The following MAST4 variants were observed in gnomAD, a reference collection of about 807,000 sequenced individuals.
MAST4 encodes microtubule-associated serine/threonine-protein kinase 4.
In MAST4, 89 loss-of-function variants were observed where a neutral mutation model predicts 162.7. The observed-to-expected ratio is 0.55, with a 90% CI of 0.46 to 0.65. The LOEUF (loss-of-function observed/expected upper bound fraction) is 0.65, where lower values mean the gene tolerates loss of function less well. MAST4 is among the 30% of genes least tolerant of loss of function. The pLI is 0.00. For synonymous variants in MAST4, 1,479 were observed against 1,361.1 expected, an observed-to-expected ratio of 1.09 and a Z score of -1.91; for missense variants, 3,153 against 3,374.0, an observed-to-expected ratio of 0.93 and a Z score of 1.62.
chr5:67,149,442 G>T lies in MAST4; in HGVS notation c.3148G>T (p.Asp1050Tyr), dbSNP rs767582015. ...DQINGRSECV[D>Y]STDNSSKPSS... The stretch of plus-strand genomic sequence containing the variant: ...GATAAATGGACGAAGCGAGTGTGTG[G>T]ACAGTACAGATAATTCCTCAAAGCC... Residue 1050 changes from aspartate (D) to tyrosine (Y), a missense_variant, in exon 24 of 29, where the codon GAC (aspartate) becomes TAC (tyrosine). Asp to Tyr is a radical substitution (Grantham distance 160, BLOSUM62 -3). Around this residue, in one of 7 missense-constraint regions of MAST4, gnomAD observed 619 missense variants for 744.2 expected, o/e 0.83. Coordinates refer to ENST00000403625, the MANE Select transcript of MAST4 (RefSeq NM_001164664.2). 3.1e-6 allele frequency: 5 copies of T among 1,613,666 alleles called. No individual in the cohort carries two copies. In the South Asian group the frequency reaches 5.5e-5, roughly 18 times the overall value.
chr5:67,149,044 G>T (rs984047207), intron 23 of MAST4, among the ~76,000 whole-genome samples: 1 of 152,140 alleles, frequency 6.6e-6, no homozygotes, highest in Non-Finnish European at 1.5e-5. Context: ...CATGGTATGG[G>T]GGGGGTAGGG....
At chr5:66,911,903 T>C (rs1272400371) in intron 4 of MAST4, among the ~76,000 whole-genome samples, 1 of 152,168 alleles carries the variant, frequency 6.6e-6, no homozygotes, top group Non-Finnish European at 1.5e-5. Context: ...TTTTTAACTT[T>C]TGGTGTGTCA....
intron 4 of MAST4, among the ~76,000 whole-genome samples, chr5:67,005,795 A>G (rs567704925): frequency 6.6e-6 from 1 of 152,352 alleles, no homozygotes. Context: ...TTCTCACCAC[A>G]TTTGTGTCCA....
chr5:66,642,169 TC>T (rs1482086200), intron 1 of MAST4, among the ~76,000 whole-genome samples: 5 of 152,128 alleles, frequency 3.3e-5, no homozygotes, highest in African/African-American at 1.2e-4. Context: ...TGAATCTAAT[TC>T]TGTTCAAGTC....
chr5:66,893,304 C>G (rs1215165998), intron 3 of MAST4, among the ~76,000 whole-genome samples: 1 of 152,094 alleles, frequency 6.6e-6, no homozygotes, highest in Non-Finnish European at 1.5e-5. Flanking sequence ...CTTCTGGGTT[C>G]AAGCGATTCT....
intron 3 of MAST4, among the ~76,000 whole-genome samples, chr5:66,810,811 T>A (rs1756438771): frequency 6.6e-6 from 1 of 152,214 alleles, no homozygotes; most frequent in Non-Finnish European, 1.5e-5. Flanking sequence ...ATTGGCCATA[T>A]GTAGAGATTT....
At chr5:66,995,545 G>A (rs913809276) in intron 4 of MAST4, among the ~76,000 whole-genome samples, 4 of 152,106 alleles carry the variant, frequency 2.6e-5, no homozygotes, top group Admixed American at 1.3e-4. Flanking sequence ...TGGGACTATC[G>A]GCACCCGCCA....
At chr5:66,662,768 A>G (rs1367026872) in intron 1 of MAST4, 3 of 152,220 alleles carry the variant, frequency 2.0e-5, no homozygotes, top group Non-Finnish European at 4.4e-5. Flanking sequence ...TTTTGAAAAA[A>G]TTGGGTAATC....
chr5:67,156,240 CAGA>C (rs1221709848), intron 26 of MAST4, among the ~76,000 whole-genome samples: 2 of 151,998 alleles, frequency 1.3e-5, no homozygotes, highest in East Asian at 3.8e-4. Flanking sequence ...AAAACAAAAG[CAGA>C]AGAAGATAAC....
intron 3 of MAST4, among the ~76,000 whole-genome samples, chr5:66,884,388 A>C (rs1761903952): frequency 6.6e-6 from 1 of 152,236 alleles, no homozygotes. Flanking sequence ...CACAAAGTGC[A>C]CAACACTCTT....
intron 26 of MAST4, among the ~76,000 whole-genome samples, chr5:67,159,949 G>A (rs1772999095): frequency 6.6e-6 from 1 of 152,084 alleles, no homozygotes; most frequent in Admixed American, 6.5e-5. Context: ...ACAATTTTTA[G>A]GCCAAAGGAA....
chr5:66,819,037 G>A (rs924645404), intron 3 of MAST4, among the ~76,000 whole-genome samples: 1 of 152,166 alleles, frequency 6.6e-6, no homozygotes, highest in Non-Finnish European at 1.5e-5. Flanking sequence ...TAGAGAAGGG[G>A]AACACACATT....
chr5:67,079,056 G>A (rs1219211393), intron 5 of MAST4, among the ~76,000 whole-genome samples: 1 of 148,096 alleles, frequency 6.8e-6, no homozygotes, highest in Admixed American at 6.9e-5. Flanking sequence ...AAATATCAGT[G>A]CAGTGTCTTT....
In MAST4 at chr5:66,714,330, T is replaced by C. The variant is rs548809535; in HGVS notation, c.364-45379T>C. Among the ~76,000 whole-genome samples, 26 of 152,356 alleles carry C rather than the reference T, an allele frequency of 1.7e-4. 1 individual carries two copies. The East Asian group carries it at 5.0e-3, about 29-fold the overall frequency. On this transcript the variant is annotated intron_variant, in intron 1 of 28. Transcript: ENST00000403625. The stretch of plus-strand genomic sequence containing the variant: ...AGCCACCAGTCTCTGTGCCTGTGCC[T>C]GTATCATCGAAACTGTCCATTAGGT...
rs143837330 is a variant in MAST4, at chr5:66,855,505, T to C, written c.643-44446T>C. Reference sequence around the variant, plus strand: ...AGGTGGTGTTTGCTCGCTTCATTTGTGTTCTCTTGAGAACAGAGCTGGAGA... The same window carrying C: ...AGGTGGTGTTTGCTCGCTTCATTTGCGTTCTCTTGAGAACAGAGCTGGAGA... On this transcript the variant is annotated intron_variant, in intron 3 of 28. Transcript: ENST00000403625. 7.0e-3 allele frequency among the ~76,000 whole-genome samples: 1,063 copies of C among 152,308 alleles called. 11 individuals carry two copies. Among genetic ancestry groups the C allele is most frequent in the African/African-American group, 0.025 (1,020 of 41,556 alleles).
At chr5:66,770,438 C>T (rs950926807) in intron 2 of MAST4, among the ~76,000 whole-genome samples, 2 of 152,194 alleles carry the variant, frequency 1.3e-5, no homozygotes, top group African/African-American at 2.4e-5. Context: ...TGCCGGAGCT[C>T]ATCTCCCATG....
At chr5:67,077,112 C>G (rs932142546) in intron 5 of MAST4, among the ~76,000 whole-genome samples, 3 of 152,286 alleles carry the variant, frequency 2.0e-5, no homozygotes, top group Non-Finnish European at 4.4e-5. Flanking sequence ...CTGGCCTGGT[C>G]TGGCCTATAT....
intron 19 of MAST4, 60 bp downstream of exon 19, chr5:67,136,724 C>T (rs1581686714): frequency 2.3e-6 from 3 of 1,324,852 alleles, no homozygotes; most frequent in African/African-American, 1.5e-5. Context: ...ACATGGAGCA[C>T]TCTGAAGCTT....
intron 3 of MAST4, among the ~76,000 whole-genome samples, chr5:66,859,707 G>A (rs1014487674): frequency 3.9e-5 from 6 of 152,244 alleles, no homozygotes; most frequent in African/African-American, 1.2e-4. Context: ...TATCACATGA[G>A]ATGAGTGATT....
Sources: allele counts gnomAD v4.1 joint callset (sites outside exome capture counted in the v4.1 genomes callset), GRCh38; gene constraint gnomAD v4.1.1; regional missense constraint gnomAD v4.1.1; transcripts MANE v1.5; gene names NCBI Gene and HGNC (gene_info 2026-07-23, HGNC 2026-07-21).